GPR39: variants seen among roughly 807,000 people sequenced by gnomAD.
GPR39 encodes the protein G protein-coupled receptor 39, also known as zinc sensing receptor.
Under a neutral mutation model 18.4 loss-of-function variants are expected in GPR39, and 23 were observed. The ratio of observed to expected loss-of-function variants is 1.25; its 90% CI spans 0.90 to 1.77. The LOEUF is 1.77. Ranked by LOEUF, GPR39 falls within the 40% of genes most tolerant of loss-of-function variation. The pLI is 0.00. For missense variants in GPR39, 647 were observed against 602.4 expected, an observed-to-expected ratio of 1.07 and a Z score of -0.78; for synonymous variants, 280 against 257.9, an observed-to-expected ratio of 1.09 and a Z score of -0.82.
intron 1 of GPR39, among the ~76,000 whole-genome samples, chr2:132,590,985 C>T (rs1436798699): frequency 6.6e-6 from 1 of 151,942 alleles, no homozygotes; most frequent in East Asian, 1.9e-4. Flanking sequence ...GGCGCGGTGG[C>T]TCACGCCTGT....
chr2:132,471,780 G>T (rs562887581), intron 1 of GPR39, among the ~76,000 whole-genome samples: 2 of 151,666 alleles, frequency 1.3e-5, no homozygotes, highest in Non-Finnish European at 2.9e-5. Context: ...GGTCATTGTC[G>T]TACTTCCTTT....
chr2:132,423,602 T>G (rs1182994640), intron 1 of GPR39, among the ~76,000 whole-genome samples: 1 of 152,128 alleles, frequency 6.6e-6, no homozygotes, highest in South Asian at 2.1e-4. Flanking sequence ...TCTATCTTAC[T>G]CTATTCTCTA....
At chr2:132,593,848 G>A (rs1451232324) in intron 1 of GPR39, among the ~76,000 whole-genome samples, 3 of 152,148 alleles carry the variant, frequency 2.0e-5, no homozygotes, top group Non-Finnish European at 2.9e-5. Flanking sequence ...TGTGGCACTG[G>A]AGGAAAGAAG....
At chr2:132,516,234 G>A (rs983913837) in intron 1 of GPR39, among the ~76,000 whole-genome samples, 1 of 152,146 alleles carries the variant, frequency 6.6e-6, no homozygotes, top group Admixed American at 6.5e-5. Flanking sequence ...CAGAGCTGAG[G>A]GGGTGCCTCT....
chr2:132,543,466 C>G (rs1405460459), intron 1 of GPR39, among the ~76,000 whole-genome samples: 3 of 152,126 alleles, frequency 2.0e-5, no homozygotes, highest in African/African-American at 7.2e-5. Context: ...AGGGTCGCTT[C>G]CCTTACTATC....
intron 1 of GPR39, among the ~76,000 whole-genome samples, chr2:132,519,117 G>A (rs1231620824): frequency 1.3e-5 from 2 of 152,168 alleles, no homozygotes; most frequent in Non-Finnish European, 2.9e-5. Context: ...CATCTTTACT[G>A]TGAGTCTTGC....
chr2:132,531,403 T>C (rs1679628082), intron 1 of GPR39, among the ~76,000 whole-genome samples: 1 of 152,186 alleles, frequency 6.6e-6, no homozygotes, highest in Non-Finnish European at 1.5e-5. Context: ...ACAATAATAA[T>C]GGGAGACTTT....
chr2:132,473,907 C>T (rs1352177237), intron 1 of GPR39, among the ~76,000 whole-genome samples: 1 of 152,214 alleles, frequency 6.6e-6, no homozygotes, highest in Non-Finnish European at 1.5e-5. Context: ...ATTACCATAA[C>T]GGCTCTTCCT....
intron 1 of GPR39, among the ~76,000 whole-genome samples, chr2:132,609,329 G>A (rs1014479591): frequency 2.0e-5 from 3 of 152,266 alleles, no homozygotes; most frequent in East Asian, 1.9e-4. Context: ...CACTTGCTCC[G>A]TGCCAGGTAT....
intron 1 of GPR39, among the ~76,000 whole-genome samples, chr2:132,635,164 A>C (rs1416352500): frequency 6.6e-6 from 1 of 152,232 alleles, no homozygotes; most frequent in Admixed American, 6.5e-5. Flanking sequence ...TGGAGGGCTA[A>C]TACTGACCTC....
rs144847881 is a variant in GPR39 at position 132,444,890 on chromosome 2, T to A, written c.856+26992T>A. ...CAGTGGACAAATATTGAGTCAGTCC[T>A]TATTAAAGAAAAGAAATTTTTGAGT... is the stretch of plus-strand genomic sequence containing the variant. On this transcript the variant is annotated intron_variant, in intron 1 of 1. Coordinates refer to ENST00000329321, the MANE Select transcript of GPR39 (RefSeq NM_001508.3). Among the ~76,000 whole-genome samples, 5 of 152,296 alleles carry A rather than the reference T, an allele frequency of 3.3e-5. No homozygotes were observed. In the East Asian group the frequency reaches 9.7e-4, roughly 29 times the overall value.
intron 1 of GPR39, among the ~76,000 whole-genome samples, chr2:132,543,082 G>C (rs1384199002): frequency 6.6e-6 from 1 of 152,192 alleles, no homozygotes; most frequent in Admixed American, 6.5e-5. Context: ...ACTCAGCTAG[G>C]TTTGCATTCT....
chr2:132,429,538 A>G (rs375572654), intron 1 of GPR39, among the ~76,000 whole-genome samples: 66 of 152,328 alleles, frequency 4.3e-4, no homozygotes, highest in African/African-American at 1.4e-3. Context: ...TGCGCCAGTC[A>G]CGTGCACTGG....
intron 1 of GPR39, among the ~76,000 whole-genome samples, chr2:132,550,272 C>A (rs1309916914): frequency 2.0e-5 from 3 of 152,190 alleles, no homozygotes; most frequent in African/African-American, 7.2e-5. Context: ...TAGATGCTAG[C>A]TAACGTGAAA....
At chr2:132,621,508 A>G (rs901686141) in intron 1 of GPR39, among the ~76,000 whole-genome samples, 2 of 152,220 alleles carry the variant, frequency 1.3e-5, no homozygotes, top group Non-Finnish European at 1.5e-5. Context: ...AACCTGTTCT[A>G]CCATCAGCAC....
intron 1 of GPR39, among the ~76,000 whole-genome samples, chr2:132,443,115 C>T (rs1247269490): frequency 2.0e-5 from 3 of 151,982 alleles, no homozygotes; most frequent in African/African-American, 7.2e-5. Context: ...TTTTTTATTA[C>T]AAATGTTCAA....
intron 1 of GPR39, chr2:132,489,093 A>G (rs114878873): frequency 0.03 from 6,653 of 218,708 alleles, 535 homozygotes; most frequent in African/African-American, 0.14. Context: ...CTCTCCTTAG[A>G]TGACATCGAA....
chr2:132,588,769 A>G (rs1279244800), intron 1 of GPR39, among the ~76,000 whole-genome samples: 1 of 152,186 alleles, frequency 6.6e-6, no homozygotes, highest in African/African-American at 2.4e-5. Flanking sequence ...ATCACATGCT[A>G]TTCATAGAAC....
chr2:132,454,109 A>G (rs1680677948), intron 1 of GPR39, among the ~76,000 whole-genome samples: 2 of 152,228 alleles, frequency 1.3e-5, no homozygotes, highest in Non-Finnish European at 2.9e-5. Flanking sequence ...CTTCCTATCC[A>G]TGATCATGGA....
Sources: allele counts gnomAD v4.1 joint callset (sites outside exome capture counted in the v4.1 genomes callset), GRCh38; gene constraint gnomAD v4.1.1; transcripts MANE v1.5; gene names NCBI Gene and HGNC (gene_info 2026-07-23, HGNC 2026-07-21).